SOX6: variants seen among roughly 807,000 people sequenced by gnomAD.
SOX6 encodes transcription factor SOX-6.
Under a neutral mutation model 97.8 loss-of-function variants are expected in SOX6, and 11 were observed. The observed-to-expected ratio is 0.11, with a 90% CI of 0.07 to 0.19. SOX6 has a LOEUF of 0.19. Ranked by LOEUF, SOX6 falls within the 10% of genes least tolerant of loss-of-function variation. The probability of loss-of-function intolerance (pLI) is 1.00; values close to 1 mark genes in which losing one functional copy is unlikely to be tolerated. For synonymous variants in SOX6, 360 were observed against 371.4 expected, an observed-to-expected ratio of 0.97 and a Z score of 0.35; for missense variants, 810 against 1,039.5, an observed-to-expected ratio of 0.78 and a Z score of 3.04.
chr11:16,448,460 T>C (rs1375243488), intron 1 of SOX6, among the ~76,000 whole-genome samples: 1 of 152,074 alleles, frequency 6.6e-6, no homozygotes, highest in Non-Finnish European at 1.5e-5. Flanking sequence ...CCCTTGGCAA[T>C]AAAAAAAGTG....
intron 4 of SOX6, among the ~76,000 whole-genome samples, chr11:16,578,457 C>T (rs1340894271): frequency 1.3e-5 from 2 of 152,128 alleles, no homozygotes; most frequent in Admixed American, 6.6e-5. Context: ...GCCTTCTCTA[C>T]ACTTCAGCTT....
At chr11:16,084,247 A>G (rs1006116639) in intron 9 of SOX6, among the ~76,000 whole-genome samples, 1 of 152,004 alleles carries the variant, frequency 6.6e-6, no homozygotes, top group African/African-American at 2.4e-5. Context: ...CACATCTCAA[A>G]TGATTAGCCC....
intron 1 of SOX6, among the ~76,000 whole-genome samples, chr11:16,341,951 T>C (rs1419253682): frequency 6.6e-6 from 1 of 152,030 alleles, no homozygotes; most frequent in Non-Finnish European, 1.5e-5. Flanking sequence ...TTTAGGGCAA[T>C]TTTGTAGCAT....
intron 15 of SOX6, among the ~76,000 whole-genome samples, chr11:15,982,816 C>T (rs983445110): frequency 6.6e-6 from 1 of 151,868 alleles, no homozygotes; most frequent in Non-Finnish European, 1.5e-5. Flanking sequence ...CACACAGATA[C>T]AGAGGGCTGA....
intron 1 of SOX6, among the ~76,000 whole-genome samples, chr11:16,458,809 T>A (rs1304627448): frequency 6.6e-6 from 1 of 151,962 alleles, no homozygotes; most frequent in Non-Finnish European, 1.5e-5. Flanking sequence ...ACAAATGAAG[T>A]CATCCCTACA....
At chr11:16,045,518 G>T (rs1044877343) in intron 12 of SOX6, among the ~76,000 whole-genome samples, 6 of 152,136 alleles carry the variant, frequency 3.9e-5, no homozygotes, top group Non-Finnish European at 8.8e-5. Context: ...TCAGTCTAGG[G>T]ATTCCCATCA....
intron 9 of SOX6, among the ~76,000 whole-genome samples, chr11:16,068,741 T>G (rs1206215060): frequency 6.6e-6 from 1 of 152,206 alleles, no homozygotes; most frequent in African/African-American, 2.4e-5. Context: ...CCTACTCATC[T>G]TTTCAGTCTA....
chr11:16,310,033 A>G (rs1355434238), intron 3 of SOX6, among the ~76,000 whole-genome samples: 1 of 152,154 alleles, frequency 6.6e-6, no homozygotes. Flanking sequence ...AATTGCCTGC[A>G]TCTGTTCCCC....
chr11:16,355,261 G>A (rs946341771), intron 1 of SOX6, among the ~76,000 whole-genome samples: 1 of 151,892 alleles, frequency 6.6e-6, no homozygotes, highest in Admixed American at 6.6e-5. Flanking sequence ...GCTGGATAAG[G>A]AAAGAAACAA....
chr11:16,178,274 C>A (rs1247151048), intron 6 of SOX6, among the ~76,000 whole-genome samples: 1 of 151,956 alleles, frequency 6.6e-6, no homozygotes, highest in African/African-American at 2.4e-5. Context: ...CCTTGCTAGT[C>A]ATAATTATAG....
chr11:16,008,730 CTTGT>C (rs749554284), intron 13 of SOX6, among the ~76,000 whole-genome samples: 54 of 152,044 alleles, frequency 3.6e-4, no homozygotes, highest in Admixed American at 1.2e-3. Context: ...AGTTTATTTG[CTTGT>C]TTAAGAGAGC....
At chr11:16,176,518 T>C (rs1021870597) in intron 6 of SOX6, among the ~76,000 whole-genome samples, 5 of 151,858 alleles carry the variant, frequency 3.3e-5, no homozygotes, top group Non-Finnish European at 7.4e-5. Flanking sequence ...ATTAACTGTC[T>C]AAAAGGTTCA....
At chr11:15,991,995 C>T (rs1854067490) in intron 13 of SOX6, among the ~76,000 whole-genome samples, 1 of 152,160 alleles carries the variant, frequency 6.6e-6, no homozygotes. Context: ...TTTCCTCCTA[C>T]ATCACATATT....
intron 2 of SOX6, among the ~76,000 whole-genome samples, chr11:16,729,108 G>C (rs1848329366): frequency 6.6e-6 from 1 of 152,194 alleles, no homozygotes; most frequent in South Asian, 2.1e-4. Context: ...CATTTGATGG[G>C]TGTACCTGAA....
chr11:16,136,890 T>G (rs1235235980), intron 6 of SOX6, among the ~76,000 whole-genome samples: 1 of 152,208 alleles, frequency 6.6e-6, no homozygotes, highest in Non-Finnish European at 1.5e-5. Flanking sequence ...AAACCAATTT[T>G]CATCAACATG....
intron 1 of SOX6, among the ~76,000 whole-genome samples, chr11:16,443,222 T>C (rs1458850759): frequency 1.3e-5 from 2 of 152,206 alleles, no homozygotes; most frequent in Admixed American, 1.3e-4. Flanking sequence ...ATATATTTTT[T>C]CATTCATATC....
At chr11:16,723,521 C>G (rs1848282919) in intron 2 of SOX6, among the ~76,000 whole-genome samples, 1 of 152,016 alleles carries the variant, frequency 6.6e-6, no homozygotes, top group Non-Finnish European at 1.5e-5. Flanking sequence ...GAGAAAAGTC[C>G]ATCTACAGCC....
chr11:16,559,489 A>T (rs931832095), intron 4 of SOX6, among the ~76,000 whole-genome samples: 1 of 151,058 alleles, frequency 6.6e-6, no homozygotes, highest in African/African-American at 2.4e-5. Flanking sequence ...GATTGGAACC[A>T]CAAGCCTAGG....
chr11:15,988,511 A>G (rs1244019955), intron 14 of SOX6, among the ~76,000 whole-genome samples: 3 of 152,236 alleles, frequency 2.0e-5, no homozygotes, highest in Non-Finnish European at 4.4e-5. Context: ...CATGAATTTC[A>G]TACCATTTTG....
Sources: allele counts gnomAD v4.1 joint callset (sites outside exome capture counted in the v4.1 genomes callset), GRCh38; gene constraint gnomAD v4.1.1; transcripts MANE v1.5; gene names NCBI Gene and HGNC (gene_info 2026-07-23, HGNC 2026-07-21).